The following FER variants were observed in gnomAD, a reference collection of about 807,000 sequenced individuals.
FER encodes tyrosine-protein kinase Fer.
Under a neutral mutation model 111.0 loss-of-function variants are expected in FER, and 63 were observed. That is an observed-to-expected ratio of 0.57 (90% CI 0.46 to 0.70). FER has a LOEUF of 0.70. Among genes scored for constraint, FER ranks in the 30% least tolerant of loss-of-function variants. The probability of loss-of-function intolerance (pLI) is 0.00; values close to 1 mark genes in which losing one functional copy is unlikely to be tolerated. For missense variants in FER, 914 were observed against 954.0 expected, an observed-to-expected ratio of 0.96 and a Z score of 0.55; for synonymous variants, 327 against 313.9, an observed-to-expected ratio of 1.04 and a Z score of -0.44.
chr5:109,005,719 T>C lies in FER; in HGVS notation c.1657-31703T>C, dbSNP rs575124858. Among the ~76,000 whole-genome samples, 17 of 152,350 alleles carry C rather than the reference T, an allele frequency of 1.1e-4. No homozygotes were observed. In the South Asian group the frequency reaches 3.3e-3, roughly 30 times the overall value. ...CTCTTGCACACCAATGAAAGCATAC[T>C]GAACACACAAGAGTTTAAATTTCCC... On this transcript the variant is annotated intron_variant, in intron 13 of 19. Transcript: ENST00000281092.
chr5:108,778,014 T>A (rs1753680515), intron 2 of FER, among the ~76,000 whole-genome samples: 1 of 152,198 alleles, frequency 6.6e-6, no homozygotes, highest in South Asian at 2.1e-4. Context: ...CTTCATAGTA[T>A]TGCTTTTTTC....
At chr5:109,152,058 C>T (rs1353386957) in intron 17 of FER, among the ~76,000 whole-genome samples, 1 of 152,014 alleles carries the variant, frequency 6.6e-6, no homozygotes, top group Non-Finnish European at 1.5e-5. Context: ...ATAATATCTC[C>T]ATTTGAGTTT....
chr5:109,060,759 G>GGTGTGT (rs577713883), intron 16 of FER, among the ~76,000 whole-genome samples: 1 of 134,660 alleles, frequency 7.4e-6, no homozygotes, highest in African/African-American at 2.8e-5. Flanking sequence ...GCGTATGTGT[G>GGTGTGT]GTGTGTGTGT....
At chr5:108,812,256 C>T (rs1345840566) in intron 3 of FER, among the ~76,000 whole-genome samples, 1 of 152,080 alleles carries the variant, frequency 6.6e-6, no homozygotes, top group African/African-American at 2.4e-5. Flanking sequence ...AATAAATTAA[C>T]TTGTTTATTG....
intron 9 of FER, among the ~76,000 whole-genome samples, chr5:108,896,763 A>T (rs13183239): frequency 0.07 from 10,583 of 152,260 alleles, 408 homozygotes; most frequent in Non-Finnish European, 0.082. Context: ...GTTGAGACTT[A>T]TAGTTTAAAT....
chr5:108,789,485 C>A (rs1010699193), intron 2 of FER, among the ~76,000 whole-genome samples: 2 of 151,948 alleles, frequency 1.3e-5, no homozygotes, highest in African/African-American at 4.8e-5. Flanking sequence ...TCATATCTTG[C>A]CATTTCTAAG....
At chr5:108,933,720 T>G (rs1203400409) in intron 10 of FER, among the ~76,000 whole-genome samples, 1 of 152,220 alleles carries the variant, frequency 6.6e-6, no homozygotes, top group Non-Finnish European at 1.5e-5. Context: ...ACGATATTGA[T>G]TCTTCCTACC....
chr5:109,189,512 T>G lies in FER; in HGVS notation c.*1937T>G, dbSNP rs2126899412. The G allele has an allele frequency of 6.6e-6, 1 of 151,512 alleles. No individual in the cohort carries two copies. Among genetic ancestry groups the G allele is most frequent in the Middle Eastern group, 3.4e-3 (1 of 294 alleles). 9.4% of individuals were successfully genotyped at this position (151,512 alleles called of 1,614,324 possible). Reference sequence around the variant, plus strand: ...TCTCCTTGCAGATTTCATACATACTTAATGATTAGTACATTCAGACTAAAG... The same window carrying G: ...TCTCCTTGCAGATTTCATACATACTGAATGATTAGTACATTCAGACTAAAG... On this transcript the variant is annotated 3_prime_UTR_variant, in exon 20 of 20. Coordinates refer to ENST00000281092, the MANE Select transcript of FER (RefSeq NM_005246.4).
intron 16 of FER, chr5:109,051,444 A>T (rs1772799925): frequency 6.2e-7 from 1 of 1,613,166 alleles, no homozygotes; most frequent in Non-Finnish European, 8.5e-7. Flanking sequence ...TCTGGTTATC[A>T]TCGGGGAAAT....
At chr5:109,003,647 ATATT>A (rs1305982806) in intron 13 of FER, among the ~76,000 whole-genome samples, 8 of 151,928 alleles carry the variant, frequency 5.3e-5, no homozygotes, top group African/African-American at 1.2e-4. Context: ...AAAAATAAAA[ATATT>A]TATCCCAAGC....
intron 3 of FER, among the ~76,000 whole-genome samples, chr5:108,811,867 C>A (rs1378423014): frequency 6.6e-6 from 1 of 152,144 alleles, no homozygotes; most frequent in African/African-American, 2.4e-5. Context: ...TGCCCTTCCT[C>A]CTCCTTTTTG....
chr5:108,792,663 A>G (rs375583378), intron 2 of FER, among the ~76,000 whole-genome samples: 1 of 151,230 alleles, frequency 6.6e-6, no homozygotes, highest in Non-Finnish European at 1.5e-5. Flanking sequence ...CAGTGTCTTA[A>G]GCTTACAAGT....
At chr5:109,002,581 G>A (rs1019023771) in intron 13 of FER, among the ~76,000 whole-genome samples, 14 of 152,148 alleles carry the variant, frequency 9.2e-5, no homozygotes, top group South Asian at 4.1e-4. Context: ...TTCATGTCTA[G>A]AACAGCAAAA....
chr5:108,845,067 T>TACACACACACAC (rs61156019), intron 5 of FER, among the ~76,000 whole-genome samples: 1 of 53,856 alleles, frequency 1.9e-5, no homozygotes, highest in African/African-American at 7.6e-5. Context: ...TATATATATA[T>TACACACACACAC]ACACACACAC....
intron 3 of FER, among the ~76,000 whole-genome samples, chr5:108,806,880 A>C (rs1757265149): frequency 6.6e-6 from 1 of 152,122 alleles, no homozygotes; most frequent in African/African-American, 2.4e-5. Context: ...TTAATGCTGA[A>C]ATAAGACTTT....
At chr5:109,130,061 T>G (rs1044226535) in intron 17 of FER, among the ~76,000 whole-genome samples, 3 of 57,726 alleles carry the variant, frequency 5.2e-5, no homozygotes, top group Non-Finnish European at 1.3e-4. Flanking sequence ...TGTGCGTAGG[T>G]TTTTTTTTAC....
chr5:108,769,312 T>C (rs1752647179), intron 2 of FER, among the ~76,000 whole-genome samples: 1 of 152,040 alleles, frequency 6.6e-6, no homozygotes, highest in African/African-American at 2.4e-5. Context: ...AGTTTTTGAT[T>C]GGAAGAGCAT....
intron 16 of FER, among the ~76,000 whole-genome samples, chr5:109,059,020 G>A (rs80199094): frequency 0.13 from 19,729 of 151,788 alleles, 1,304 homozygotes; most frequent in Non-Finnish European, 0.14. Context: ...GATTACAGGC[G>A]TGAGCCACCA....
chr5:108,758,103 G>A (rs1468694810), intron 1 of FER, among the ~76,000 whole-genome samples: 1 of 152,184 alleles, frequency 6.6e-6, no homozygotes, highest in African/African-American at 2.4e-5. Context: ...TTCTATGCTA[G>A]ACAAGAGGCA....
Sources: gnomAD v4.1 joint callset for allele counts (sites outside exome capture counted in the v4.1 genomes callset) on GRCh38, gnomAD v4.1.1 for gene constraint, MANE v1.5 for transcripts, NCBI Gene and HGNC (gene_info 2026-07-23, HGNC 2026-07-21) for gene names.